The following TGM6 variants were observed in gnomAD, a reference collection of about 807,000 sequenced individuals.
TGM6 encodes the protein transglutaminase 6, also known as protein-glutamine gamma-glutamyltransferase 6.
A neutral mutation model predicts 77.5 loss-of-function variants in TGM6; 74 were observed. The ratio of observed to expected loss-of-function variants is 0.96; its 90% CI spans 0.79 to 1.16. The LOEUF (loss-of-function observed/expected upper bound fraction) is 1.16. Among genes scored for constraint, TGM6 ranks in the 50% most tolerant of loss-of-function variants. The pLI is 0.00. For synonymous variants in TGM6, 383 were observed against 378.9 expected (o/e 1.01, Z -0.12); for missense variants, 968 against 940.2 (o/e 1.03, Z -0.39).
In TGM6 at chr20:2,403,517, G is replaced by T. The variant is rs754053350; in HGVS notation, c.1093+17G>T. The T allele has an allele frequency of 6.2e-7, 1 of 1,614,140 alleles. No individual in the cohort carries two copies. Among genetic ancestry groups the T allele is most frequent in the Admixed American group, 1.7e-5 (1 of 60,014 alleles). On this transcript the variant is annotated intron_variant, in intron 8 of 12. Transcript: ENST00000202625. ...AGAGTGAAGGTACGCTCAATTGGGT[G>T]GGGTAAGTTCCAGACCCCTGCTTTT...
chr20:2,425,087 C>A (rs1432931465), intron 10 of TGM6, among the ~76,000 whole-genome samples: 1 of 152,106 alleles, frequency 6.6e-6, no homozygotes, highest in East Asian at 1.9e-4. Context: ...TAATCCCAAT[C>A]CCATTCACTT....
chr20:2,403,677 C>T lies in TGM6; in HGVS notation c.1190C>T (p.Ala397Val), dbSNP rs766380908. 9.9e-6 allele frequency: 16 copies of T among 1,614,228 alleles called. No homozygotes were observed. Among genetic ancestry groups the T allele is most frequent in the Non-Finnish European group, 1.4e-5 (16 of 1,180,046 alleles). Reference sequence around the variant, plus strand: ...CCCTTCGTGTTTGCGGAGGTCAACGCCGACTACATCACCTGGCTGTGGCAC... The same window carrying T: ...CCCTTCGTGTTTGCGGAGGTCAACGTCGACTACATCACCTGGCTGTGGCAC... ...DGPFVFAEVN[A>V]DYITWLWHED... is the part of the protein sequence containing the mutation. The change falls in exon 9 of 13, where the codon GCC (alanine) becomes GTC (valine). Residue 397 changes from alanine (A) to valine (V), a missense_variant. Coordinates refer to ENST00000202625, the MANE Select transcript of TGM6 (RefSeq NM_198994.3).
At chr20:2,413,045 A>C (rs1445693025) in intron 9 of TGM6, among the ~76,000 whole-genome samples, 4 of 152,194 alleles carry the variant, frequency 2.6e-5, no homozygotes, top group Admixed American at 2.6e-4. Context: ...ATTCATTTGG[A>C]AACACAAGGG....
chr20:2,426,120 C>G (rs2084886151), intron 10 of TGM6, among the ~76,000 whole-genome samples: 1 of 152,020 alleles, frequency 6.6e-6, no homozygotes, highest in Non-Finnish European at 1.5e-5. Context: ...CAATATTGAG[C>G]CTTTCTATCC....
At chr20:2,396,477 C>A in intron 3 of TGM6, 29 bp from the exon 4 acceptor site, 1 of 1,608,812 alleles carries the variant, frequency 6.2e-7, no homozygotes, top group South Asian at 1.1e-5. Context: ...GAGCCCCAGT[C>A]CACACCGGGC....
intron 1 of TGM6, among the ~76,000 whole-genome samples, chr20:2,389,398 C>T (rs1289139575): frequency 6.6e-6 from 1 of 152,092 alleles, no homozygotes; most frequent in African/African-American, 2.4e-5. Context: ...TAAGAGCTGG[C>T]CAGTGGAGCT....
chr20:2,402,785 T>G (rs929032478), intron 7 of TGM6, among the ~76,000 whole-genome samples: 1 of 152,206 alleles, frequency 6.6e-6, no homozygotes, highest in Non-Finnish European at 1.5e-5. Flanking sequence ...GAGTCTATGG[T>G]GCTCTGCATA....
intron 9 of TGM6, among the ~76,000 whole-genome samples, chr20:2,410,810 G>A (rs911762401): frequency 2.0e-5 from 3 of 152,008 alleles, no homozygotes; most frequent in African/African-American, 7.3e-5. Flanking sequence ...GTTTATTAGG[G>A]GATACTATGA....
At chr20:2,426,573 G>A (rs543744789) in intron 10 of TGM6, among the ~76,000 whole-genome samples, 1 of 152,104 alleles carries the variant, frequency 6.6e-6, no homozygotes, top group Non-Finnish European at 1.5e-5. Context: ...TAGTAAGAGG[G>A]GACATCCTTG....
At chr20:2,430,727 G>C in intron 11 of TGM6, 127 bp downstream of exon 11, 3 of 1,590,208 alleles carry the variant, frequency 1.9e-6, no homozygotes, top group Non-Finnish European at 2.6e-6. Flanking sequence ...GGTGGGAGGA[G>C]TGGGTTGGAC....
Position 2,395,485 on chromosome 20 carries a change from A to G in TGM6, c.424+49A>G, listed in dbSNP as rs1470590252. On this transcript the variant is annotated intron_variant, in intron 3 of 12. Transcript: ENST00000202625. ...AGAGGTTTTTCCAAAAGACATCCTTAGAGGAGAGCCTGCCCTTGGAGGGGG... is the reference window on the plus strand; with the variant it reads ...AGAGGTTTTTCCAAAAGACATCCTTGGAGGAGAGCCTGCCCTTGGAGGGGG... 1.9e-6 allele frequency: 3 copies of G among 1,613,942 alleles called. No individual in the cohort carries two copies. In the African/African-American group the frequency reaches 4.0e-5, roughly 22 times the overall value.
chr20:2,384,276 G>T (rs1056915338), intron 1 of TGM6, among the ~76,000 whole-genome samples: 5 of 152,044 alleles, frequency 3.3e-5, no homozygotes, highest in African/African-American at 1.2e-4. Context: ...GCTTTAAGTG[G>T]TGCATTTTAT....
chr20:2,393,576 CA>C (rs113669126), intron 1 of TGM6, among the ~76,000 whole-genome samples: 4 of 152,254 alleles, frequency 2.6e-5, no homozygotes, highest in African/African-American at 9.6e-5. Context: ...CTCTGTGGCC[CA>C]GGCTAGAGTG....
Position 2,400,443 on chromosome 20 carries a change from T to C in TGM6, c.988T>C (p.Trp330Arg), listed in dbSNP as rs774341433. Residue 330 changes from tryptophan (W) to arginine (R), a missense_variant and splice_region_variant, in exon 7 of 13, where the codon TGG becomes CGG. Trp to Arg is a moderately radical substitution (Grantham distance 101). Transcript: ENST00000202625. ...TLEDLTEDSM[W>R]NFHVWNESWF... ...GGAGGACCTGACAGAAGACAGCATG[T>C]GGTGGGTCCTGCCCCCAGCCTAGGC... 1.2e-5 allele frequency: 19 copies of C among 1,613,958 alleles called. No individual in the cohort carries two copies. In the Admixed American group the frequency reaches 3.2e-4, roughly 27 times the overall value.
chr20:2,385,345 A>G (rs757510048), intron 1 of TGM6, among the ~76,000 whole-genome samples: 47 of 150,176 alleles, frequency 3.1e-4, no homozygotes, highest in Non-Finnish European at 4.3e-4. Context: ...TCACATCAGC[A>G]CTCTCTCGGC....
chr20:2,399,689 G>A lies in TGM6; in HGVS notation c.801G>A (p.Lys267=), dbSNP rs1300376214. ...ILQKWLKGRY[K]PVKYGQCWVF... ...AGAAGTGGCTCAAGGGCAGGTACAAGCCAGTCAAGTACGGCCAGTGCTGGG... is the reference window on the plus strand; with the variant it reads ...AGAAGTGGCTCAAGGGCAGGTACAAACCAGTCAAGTACGGCCAGTGCTGGG... The change falls in exon 6 of 13, where the codon AAG becomes AAA. Residue 267 remains lysine, a synonymous_variant. Transcript: ENST00000202625. The A allele has an allele frequency of 6.2e-7, 1 of 1,614,048 alleles. No homozygotes were observed.
intron 1 of TGM6, among the ~76,000 whole-genome samples, chr20:2,384,506 T>G (rs572699573): frequency 2.0e-4 from 30 of 152,286 alleles, no homozygotes; most frequent in Admixed American, 1.2e-3. Context: ...TCACATTTCC[T>G]GAGAACCTAG....
At chr20:2,384,959 G>A (rs138607983) in intron 1 of TGM6, among the ~76,000 whole-genome samples, 289 of 152,254 alleles carry the variant, frequency 1.9e-3, no homozygotes, top group African/African-American at 6.3e-3. Context: ...AAAACAGGCT[G>A]CCAGTTCTGT....
intron 5 of TGM6, 87 bp from the exon 6 acceptor site, chr20:2,399,474 T>A: frequency 1.3e-6 from 2 of 1,599,554 alleles, no homozygotes; most frequent in Non-Finnish European, 1.7e-6. Context: ...GACCTGGTGG[T>A]CCAAAGTTGG....
Sources: allele counts gnomAD v4.1 joint callset (sites outside exome capture counted in the v4.1 genomes callset), GRCh38; gene constraint gnomAD v4.1.1; transcripts MANE v1.5; gene names NCBI Gene and HGNC (gene_info 2026-07-23, HGNC 2026-07-21).